TASP1: variants seen among roughly 807,000 people sequenced by gnomAD.
The protein encoded by TASP1 is threonine aspartase 1.
A neutral mutation model predicts 56.6 loss-of-function variants in TASP1; 16 were observed. The observed-to-expected ratio is 0.28, with a 90% confidence interval of 0.19 to 0.43. The LOEUF (loss-of-function observed/expected upper bound fraction) is 0.43. Ranked by LOEUF, TASP1 falls within the 20% of genes least tolerant of loss-of-function variation. The pLI, the probability that TASP1 is intolerant of heterozygous loss-of-function variation, is 1.00. For synonymous variants in TASP1, 179 were observed against 184.2 expected, an observed-to-expected ratio of 0.97 and a Z score of 0.23; for missense variants, 393 against 511.6, an observed-to-expected ratio of 0.77 and a Z score of 2.24.
intron 10 of TASP1, among the ~76,000 whole-genome samples, chr20:13,520,377 A>G (rs1474050762): frequency 3.3e-5 from 5 of 152,202 alleles, no homozygotes; most frequent in Non-Finnish European, 5.9e-5. Flanking sequence ...AAACTATATT[A>G]TAAGACTACA....
chr20:13,559,076 G>T lies in TASP1; in HGVS notation c.607C>A (p.Leu203Ile). Reference protein sequence around the residue: ...LAAFKRNKRKLELAERVDTDF... With the variant: ...LAAFKRNKRKIELAERVDTDF... ...GTGTCCACCCTTTCTGCCAGCTCTAGTTTCCTCTTGTTTCTTTTAAATGCA... is the reference window on the plus strand; with the variant it reads ...GTGTCCACCCTTTCTGCCAGCTCTATTTTCCTCTTGTTTCTTTTAAATGCA... Residue 203 changes from leucine to isoleucine, a missense_variant, in exon 8 of 14, where the codon CTA (leucine) becomes ATA (isoleucine). Physicochemically the swap from Leu to Ile is conservative, Grantham distance 5 (BLOSUM62 2). Coordinates refer to ENST00000337743, the MANE Select transcript of TASP1 (RefSeq NM_017714.3). 1 of 1,586,022 alleles carries T rather than the reference G, an allele frequency of 6.3e-7. No homozygotes were observed. Among genetic ancestry groups the T allele is most frequent in the Non-Finnish European group, 8.6e-7 (1 of 1,165,518 alleles).
the TASP1 span, among the ~76,000 whole-genome samples, chr20:13,196,994 A>C: frequency 8.5e-5 from 13 of 152,316 alleles, no homozygotes; most frequent in African/African-American, 2.2e-4. Context: ...AACATACTTG[A>C]TGAAATAAAT....
intron 11 of TASP1, among the ~76,000 whole-genome samples, chr20:13,476,639 C>A (rs1418411487): frequency 2.0e-5 from 3 of 151,964 alleles, no homozygotes; most frequent in Admixed American, 1.3e-4. Context: ...CTCATAGTAA[C>A]CAGCAAAGTA....
the TASP1 span, among the ~76,000 whole-genome samples, chr20:13,349,199 C>T: frequency 6.6e-6 from 1 of 152,180 alleles, no homozygotes; most frequent in Non-Finnish European, 1.5e-5. Context: ...ACAGCTGGGA[C>T]TGATGCTCTC....
the TASP1 span, among the ~76,000 whole-genome samples, chr20:13,236,195 T>C: frequency 2.0e-5 from 3 of 152,212 alleles, no homozygotes; most frequent in African/African-American, 7.2e-5. Flanking sequence ...AGTGCTGGGA[T>C]TACAGTCGTG....
chr20:13,145,932 T>A, the TASP1 span, among the ~76,000 whole-genome samples: 3 of 152,192 alleles, frequency 2.0e-5, no homozygotes, highest in South Asian at 6.2e-4. Context: ...ATTTATTAAA[T>A]AGGGACAAAT....
chr20:13,129,114 G>A, the TASP1 span, among the ~76,000 whole-genome samples: 1 of 152,058 alleles, frequency 6.6e-6, no homozygotes, highest in East Asian at 1.9e-4. Flanking sequence ...TGATCTGCCT[G>A]CCTCGGCCTC....
intron 4 of TASP1, among the ~76,000 whole-genome samples, chr20:13,599,937 T>C (rs2047891190): frequency 6.6e-6 from 1 of 152,134 alleles, no homozygotes; most frequent in Non-Finnish European, 1.5e-5. Flanking sequence ...AACCACTGAG[T>C]TAGTAAGCTC....
the TASP1 span, among the ~76,000 whole-genome samples, chr20:13,138,048 A>G: frequency 6.6e-6 from 1 of 152,322 alleles, no homozygotes; most frequent in Admixed American, 6.5e-5. Flanking sequence ...GACCTTCCCT[A>G]AACATCCTTT....
At chr20:13,534,299 T>G (rs113706309) in intron 8 of TASP1, among the ~76,000 whole-genome samples, 158 bp from the exon 9 acceptor site, 1 of 151,820 alleles carries the variant, frequency 6.6e-6, no homozygotes, top group Non-Finnish European at 1.5e-5. Flanking sequence ...ATTATCAAGT[T>G]GCCATTTAAA....
chr20:13,260,057 T>C, the TASP1 span, among the ~76,000 whole-genome samples: 2 of 152,148 alleles, frequency 1.3e-5, no homozygotes, highest in African/African-American at 4.8e-5. Context: ...GAGCCCACAA[T>C]TGCATCAGCT....
At chr20:13,143,885 CA>C in the TASP1 span, among the ~76,000 whole-genome samples, 64 of 152,320 alleles carry the variant, frequency 4.2e-4, no homozygotes, top group African/African-American at 1.4e-3. Context: ...GCTCCTCGCC[CA>C]TTTCAGACAT....
intron 11 of TASP1, among the ~76,000 whole-genome samples, chr20:13,453,526 C>T (rs749833237): frequency 6.6e-6 from 1 of 152,106 alleles, no homozygotes; most frequent in Non-Finnish European, 1.5e-5. Flanking sequence ...TAAACATTCT[C>T]TTCCCACTTG....
chr20:13,154,323 G>A, the TASP1 span, among the ~76,000 whole-genome samples: 1 of 152,012 alleles, frequency 6.6e-6, no homozygotes. Flanking sequence ...TTATAGAAAG[G>A]GAACCAAAGG....
chr20:13,322,230 T>TGCTGTACTCCCAAGAGTGAG, the TASP1 span, among the ~76,000 whole-genome samples: 3 of 152,212 alleles, frequency 2.0e-5, no homozygotes, highest in Admixed American at 2.0e-4. Flanking sequence ...TTCTTAAAAG[T>TGCTGTACTCCCAAGAGTGAG]GCTGTACTCC....
intron 10 of TASP1, among the ~76,000 whole-genome samples, chr20:13,485,150 G>C (rs374191311): frequency 6.6e-6 from 1 of 151,982 alleles, no homozygotes. Flanking sequence ...AGAATAAAAA[G>C]AACAGGAGCC....
chr20:13,126,522 A>G, the TASP1 span: 13 of 1,571,996 alleles, frequency 8.3e-6, no homozygotes, highest in African/African-American at 4.0e-5. Flanking sequence ...GGATGGGACT[A>G]GATGTAATTC....
the TASP1 span, among the ~76,000 whole-genome samples, chr20:13,138,835 G>C: frequency 7.2e-5 from 11 of 152,170 alleles, no homozygotes; most frequent in African/African-American, 2.7e-4. Context: ...GAGCATGCTG[G>C]ATAATTCAAG....
At chr20:13,281,278 A>G in the TASP1 span, among the ~76,000 whole-genome samples, 1 of 152,204 alleles carries the variant, frequency 6.6e-6, no homozygotes, top group African/African-American at 2.4e-5. Flanking sequence ...GCCATGGTAG[A>G]GATGTACATC....
Sources: gnomAD v4.1 joint callset for allele counts (sites outside exome capture counted in the v4.1 genomes callset) on GRCh38, gnomAD v4.1.1 for gene constraint, MANE v1.5 for transcripts, NCBI Gene and HGNC (gene_info 2026-07-23, HGNC 2026-07-21) for gene names.